Variants in WNT7A observed in about 807,000 individuals in gnomAD.
The protein encoded by WNT7A is protein Wnt-7a.
WNT7A carries 16 observed loss-of-function variants against 28.2 expected under a neutral mutation model. That is an observed-to-expected ratio of 0.57 (90% CI 0.38 to 0.86). The LOEUF (loss-of-function observed/expected upper bound fraction) is 0.86, where lower values mean the gene tolerates loss of function less well. WNT7A is among the 40% of genes least tolerant of loss of function. WNT7A has a pLI of 0.00. For missense variants in WNT7A, 411 were observed against 489.7 expected (o/e 0.84, Z 1.52); for synonymous variants, 190 against 195.9 (o/e 0.97, Z 0.25).
At chr3:13,836,281 G>A (rs894916715) in intron 3 of WNT7A, among the ~76,000 whole-genome samples, 4 of 151,782 alleles carry the variant, frequency 2.6e-5, no homozygotes, top group African/African-American at 7.3e-5. Context: ...ACAGCTGCTC[G>A]TGCAATGACA....
chr3:13,849,385 G>A (rs548587632), intron 3 of WNT7A, among the ~76,000 whole-genome samples: 3 of 152,294 alleles, frequency 2.0e-5, no homozygotes, highest in East Asian at 1.9e-4. Context: ...TAGTTTGGAC[G>A]TACTTTTGTT....
chr3:13,843,218 A>T (rs568910942), intron 3 of WNT7A, among the ~76,000 whole-genome samples: 4 of 152,308 alleles, frequency 2.6e-5, no homozygotes, highest in African/African-American at 9.6e-5. Flanking sequence ...TTAAAACTTG[A>T]CTGTGGCTTT....
At chr3:13,874,671 A>G (rs1192436919) in intron 2 of WNT7A, among the ~76,000 whole-genome samples, 2 of 152,228 alleles carry the variant, frequency 1.3e-5, no homozygotes, top group Admixed American at 6.5e-5. Flanking sequence ...TTGGGCTTCA[A>G]TTCAAAACAC....
At chr3:13,869,643 G>C (rs1022582177) in intron 2 of WNT7A, among the ~76,000 whole-genome samples, 1 of 62,450 alleles carries the variant, frequency 1.6e-5, no homozygotes, top group Non-Finnish European at 2.9e-5. Flanking sequence ...GAAAGACACA[G>C]AAAAGTAGAA....
rs1395042248 is a variant in WNT7A, at chr3:13,818,669, G to T, written c.*275C>A. The T allele has an allele frequency of 1.6e-5, 5 of 320,290 alleles. No individual in the cohort carries two copies. Among genetic ancestry groups the T allele is most frequent in the Admixed American group, 4.5e-5 (1 of 22,018 alleles). The allele number at this position is 320,290 out of a possible 1,614,324, so 19.8% of individuals were successfully genotyped here. ...AATATTGCTGTGATGAGGCCCAGGGGTCCAGAGTTCCTGCTGCAGAAGGCT... is the reference window on the plus strand; with the variant it reads ...AATATTGCTGTGATGAGGCCCAGGGTTCCAGAGTTCCTGCTGCAGAAGGCT... On this transcript the variant is annotated 3_prime_UTR_variant, in exon 4 of 4. Transcript: ENST00000285018.
intron 3 of WNT7A, among the ~76,000 whole-genome samples, chr3:13,847,002 C>T (rs1036071110): frequency 2.0e-5 from 3 of 152,194 alleles, no homozygotes; most frequent in Admixed American, 6.5e-5. Flanking sequence ...AAGGGCCGCC[C>T]CTGCCCCTAC....
chr3:13,850,076 C>T (rs1024962924), intron 3 of WNT7A, among the ~76,000 whole-genome samples: 4 of 152,238 alleles, frequency 2.6e-5, no homozygotes, highest in Admixed American at 1.3e-4. Flanking sequence ...ATTCCTGCTC[C>T]AAGTCCCCTG....
At position 13,818,941 on chromosome 3, in the gene WNT7A, G is replaced by A; in HGVS notation, c.*3C>T. ...CAGCGGGAGGGTGGTGTGCACACGGGGCTCACTTGCACGTGTACATCTCCG... is the reference window on the plus strand; with the variant it reads ...CAGCGGGAGGGTGGTGTGCACACGGAGCTCACTTGCACGTGTACATCTCCG... On this transcript the variant is annotated 3_prime_UTR_variant, in exon 4 of 4. Coordinates refer to ENST00000285018, the MANE Select transcript of WNT7A (RefSeq NM_004625.4). 6.4e-7 allele frequency: 1 copy of A among 1,564,712 alleles called. No individual in the cohort carries two copies. The highest frequency in any genetic ancestry group is 2.3e-5 in the East Asian group (1 of 44,236).
intron 2 of WNT7A, among the ~76,000 whole-genome samples, chr3:13,865,169 C>T (rs1191388994): frequency 6.6e-6 from 1 of 152,214 alleles, no homozygotes; most frequent in African/African-American, 2.4e-5. Context: ...AGTGGACCCT[C>T]TAGATTGAGT....
intron 3 of WNT7A, among the ~76,000 whole-genome samples, chr3:13,826,529 C>T (rs1263712270): frequency 1.3e-5 from 2 of 152,068 alleles, no homozygotes; most frequent in Non-Finnish European, 2.9e-5. Flanking sequence ...AGGAAGAGCA[C>T]ATGTTGAGCA....
In WNT7A at chr3:13,860,750, G is replaced by A. The variant is rs143647215; in HGVS notation, c.299-5947C>T. ...TGCTCCGAGAACAGCCCTTCTCTCAGCTGTACGGGGAAGCCCCTTCATTCA... is the reference window on the plus strand; with the variant it reads ...TGCTCCGAGAACAGCCCTTCTCTCAACTGTACGGGGAAGCCCCTTCATTCA... On this transcript the variant is annotated intron_variant, in intron 2 of 3. Coordinates refer to ENST00000285018, the MANE Select transcript of WNT7A (RefSeq NM_004625.4). Among the ~76,000 whole-genome samples the A allele has an allele frequency of 3.4e-3, 525 of 152,266 alleles. 7 individuals are homozygous for A. Among genetic ancestry groups the A allele is most frequent in the Middle Eastern group, 0.014 (4 of 292 alleles).
chr3:13,819,218 G>C lies in WNT7A; in HGVS notation c.776C>G (p.Ser259Trp). Reference protein sequence around the residue: ...PTFLKIKKPLSYRKPMDTDLV... With the variant: ...PTFLKIKKPLWYRKPMDTDLV... Reference sequence around the variant, plus strand: ...GTCCGTGTCCATGGGCTTGCGGTACGACAGTGGCTTCTTGATCTTCAGGAA... The same window carrying C: ...GTCCGTGTCCATGGGCTTGCGGTACCACAGTGGCTTCTTGATCTTCAGGAA... Residue 259 changes from serine (S) to tryptophan (W), a missense_variant, in exon 4 of 4, where the codon TCG becomes TGG. By Grantham distance (177) the Ser-to-Trp change is radical. Coordinates refer to ENST00000285018, the MANE Select transcript of WNT7A (RefSeq NM_004625.4). 6.2e-7 allele frequency: 1 copy of C among 1,614,242 alleles called. No homozygotes were observed. Among genetic ancestry groups the C allele is most frequent in the East Asian group, 2.2e-5 (1 of 44,886 alleles).
At chr3:13,826,864 G>A (rs1242929606) in intron 3 of WNT7A, among the ~76,000 whole-genome samples, 1 of 152,178 alleles carries the variant, frequency 6.6e-6, no homozygotes, top group Non-Finnish European at 1.5e-5. Context: ...AACACTCTGG[G>A]GCCATATTAA....
chr3:13,861,737 C>T (rs1306610489), intron 2 of WNT7A, among the ~76,000 whole-genome samples: 2 of 152,294 alleles, frequency 1.3e-5, no homozygotes, highest in Non-Finnish European at 2.9e-5. Context: ...TTCTGCCAGC[C>T]CTTCCTCTCC....
intron 2 of WNT7A, among the ~76,000 whole-genome samples, chr3:13,866,883 T>C (rs1409912385): frequency 1.3e-5 from 2 of 152,126 alleles, no homozygotes; most frequent in African/African-American, 2.4e-5. Context: ...GAGGTTGATG[T>C]CATTGTCCAG....
intron 3 of WNT7A, among the ~76,000 whole-genome samples, chr3:13,839,601 A>G (rs1288434065): frequency 1.3e-5 from 2 of 152,224 alleles, no homozygotes; most frequent in African/African-American, 4.8e-5. Context: ...TGACTTTTTA[A>G]AGCCTGGGAA....
At position 13,839,113 on chromosome 3, in the gene WNT7A, T is replaced by C. The variant is rs75361722; in HGVS notation, c.570+15419A>G. Among the ~76,000 whole-genome samples the C allele has an allele frequency of 5.5e-3, 836 of 152,376 alleles. 7 individuals are homozygous for C. Among genetic ancestry groups the C allele is most frequent in the African/African-American group, 0.019 (793 of 41,590 alleles). ...TTGATGTAGCAACTAGCAAATGTCA[T>C]ATGACCCATGTGTTTGGTATTATGT... On this transcript the variant is annotated intron_variant, in intron 3 of 3. Transcript: ENST00000285018.
chr3:13,820,827 A>C (rs1424870313), intron 3 of WNT7A, among the ~76,000 whole-genome samples: 1 of 152,136 alleles, frequency 6.6e-6, no homozygotes, highest in Non-Finnish European at 1.5e-5. Flanking sequence ...ACCACATTTC[A>C]ACCTCAGTAT....
At chr3:13,848,888 CTG>C (rs1389947544) in intron 3 of WNT7A, among the ~76,000 whole-genome samples, 3 of 152,172 alleles carry the variant, frequency 2.0e-5, no homozygotes, top group Non-Finnish European at 4.4e-5. Flanking sequence ...TGTGGAGACT[CTG>C]TGCCCTGGAA....
Sources: allele counts gnomAD v4.1 joint callset (sites outside exome capture counted in the v4.1 genomes callset), GRCh38; gene constraint gnomAD v4.1.1; transcripts MANE v1.5; gene names NCBI Gene and HGNC (gene_info 2026-07-23, HGNC 2026-07-21).